TBCCD1: variants seen among roughly 807,000 people sequenced by gnomAD.
The protein encoded by TBCCD1 is TBCC domain-containing protein 1.
Under a neutral mutation model 53.4 loss-of-function variants are expected in TBCCD1, and 26 were observed. The observed-to-expected ratio is 0.49, with a 90% CI of 0.36 to 0.68. TBCCD1 has a LOEUF of 0.68. Among genes scored for constraint, TBCCD1 ranks in the 30% least tolerant of loss-of-function variants. The pLI, the probability that TBCCD1 is intolerant of heterozygous loss-of-function variation, is 0.00. For missense variants in TBCCD1, 558 were observed against 669.5 expected, an observed-to-expected ratio of 0.83 and a Z score of 1.84; for synonymous variants, 245 against 241.7, an observed-to-expected ratio of 1.01 and a Z score of -0.13.
At chr3:186,553,817 T>C (rs866209954) in intron 6 of TBCCD1, among the ~76,000 whole-genome samples, 1 of 152,210 alleles carries the variant, frequency 6.6e-6, no homozygotes, top group Non-Finnish European at 1.5e-5. Flanking sequence ...GAAATACTAA[T>C]TTGAAATCCA....
rs1367227546 is a variant in TBCCD1, at chr3:186,564,242, G to A, written c.88C>T (p.Leu30Phe). The change falls in exon 2 of 8, where the codon CTT becomes TTT. Residue 30 changes from leucine (L) to phenylalanine (F), a missense_variant. Leu to Phe is a conservative substitution (Grantham distance 22). Coordinates refer to ENST00000338733, the MANE Select transcript of TBCCD1 (RefSeq NM_018138.5). ...GTGGATATCTTCCTGAGATAGTGAA[G>A]ACTAAACTTGGATGGAGGGGGGACC... ...LQVPPPSKFS[L>F]HYLRKISTYV... 1 of 1,614,194 alleles carries A rather than the reference G, an allele frequency of 6.2e-7. No homozygotes were observed. Among genetic ancestry groups the A allele is most frequent in the Non-Finnish European group, 8.5e-7 (1 of 1,180,018 alleles).
chr3:186,560,657 T>C (rs1714666715), intron 2 of TBCCD1, among the ~76,000 whole-genome samples: 2 of 152,226 alleles, frequency 1.3e-5, no homozygotes, highest in Admixed American at 1.3e-4. Context: ...CTAAGAGGCT[T>C]ATACAGCCCT....
Position 186,567,287 on chromosome 3 carries a change from C to T in TBCCD1, c.-64G>A, listed in dbSNP as rs1219076240. 6.5e-6 allele frequency: 1 copy of T among 153,086 alleles called. No individual in the cohort carries two copies. Among genetic ancestry groups the T allele is most frequent in the Non-Finnish European group, 1.5e-5 (1 of 68,822 alleles). The allele number at this position is 153,086 out of a possible 1,614,324, so 9.5% of individuals were successfully genotyped here. On this transcript the variant is annotated 5_prime_UTR_variant, in exon 1 of 8. Coordinates refer to ENST00000338733, the MANE Select transcript of TBCCD1 (RefSeq NM_018138.5). Reference sequence around the variant, plus strand: ...GTTACCTGCTAATGCAGGCGCCGCTCCGCCGCACTTCTCCGCGCGCCGCCG... The same window carrying T: ...GTTACCTGCTAATGCAGGCGCCGCTTCGCCGCACTTCTCCGCGCGCCGCCG...
Position 186,565,109 on chromosome 3 carries a change from CTTT to C in TBCCD1, c.-43-740_-43-738del, listed in dbSNP as rs370017010. 6.9e-3 allele frequency among the ~76,000 whole-genome samples: 862 copies of C among 124,724 alleles called. 7 individuals are homozygous for C. Among genetic ancestry groups the C allele is most frequent in the African/African-American group, 0.026 (826 of 32,114 alleles). 81.8% of individuals were successfully genotyped at this position (124,724 alleles called of 152,430 possible). ...TTTATTGTATTTCCTTCTTCTTCTTCTTTTTTTTTTTTTTTTTTTGAGATGGAG... is the reference window on the plus strand; with the variant it reads ...TTTATTGTATTTCCTTCTTCTTCTTCTTTTTTTTTTTTTTTTGAGATGGAG... On this transcript the variant is annotated intron_variant, in intron 1 of 7. Coordinates refer to ENST00000338733, the MANE Select transcript of TBCCD1 (RefSeq NM_018138.5).
chr3:186,567,765 C>T (rs1185663349), upstream of TBCCD1, among the ~76,000 whole-genome samples: 1 of 152,190 alleles, frequency 6.6e-6, no homozygotes, highest in African/African-American at 2.4e-5. Context: ...GAAACTAGGG[C>T]CTAGAAAGGT....
chr3:186,547,872 G>A (rs1321068827), intron 7 of TBCCD1, among the ~76,000 whole-genome samples: 2 of 152,056 alleles, frequency 1.3e-5, no homozygotes, highest in Non-Finnish European at 1.5e-5. Context: ...CTCCCGAAGT[G>A]CTGGGATTAC....
At chr3:186,548,971 C>A (rs1231277705) in intron 7 of TBCCD1, among the ~76,000 whole-genome samples, 1 of 152,120 alleles carries the variant, frequency 6.6e-6, no homozygotes, top group Non-Finnish European at 1.5e-5. Flanking sequence ...TAAATATATA[C>A]AATTCATCTG....
chr3:186,549,267 G>A (rs1192434040), intron 7 of TBCCD1, among the ~76,000 whole-genome samples: 4 of 152,120 alleles, frequency 2.6e-5, no homozygotes, highest in Admixed American at 6.5e-5. Context: ...CAGTTTGGGG[G>A]ACAGAGTGAG....
intron 2 of TBCCD1, among the ~76,000 whole-genome samples, 195 bp from the exon 3 acceptor site, chr3:186,558,767 T>C (rs1479716865): frequency 1.3e-5 from 2 of 151,910 alleles, no homozygotes; most frequent in Admixed American, 1.3e-4. Flanking sequence ...TGAGACAGAG[T>C]TTCACTCTTG....
chr3:186,548,802 T>C (rs754010334), intron 7 of TBCCD1, among the ~76,000 whole-genome samples: 8 of 152,122 alleles, frequency 5.3e-5, no homozygotes, highest in Non-Finnish European at 5.9e-5. Flanking sequence ...ATGGTGACTG[T>C]TGTTAATAAC....
chr3:186,555,756 T>C (rs1714522362), intron 4 of TBCCD1, among the ~76,000 whole-genome samples: 1 of 152,024 alleles, frequency 6.6e-6, no homozygotes, highest in Admixed American at 6.6e-5. Context: ...CTGAGGTTTC[T>C]CCATGTTGGC....
chr3:186,554,406 A>G lies in TBCCD1; in HGVS notation c.1392T>C (p.Cys464=). Residue 464 remains cysteine, a synonymous_variant, in exon 6 of 8, where the codon TGT becomes TGC. Coordinates refer to ENST00000338733, the MANE Select transcript of TBCCD1 (RefSeq NM_018138.5). ...AGGGAATAATAAATACATAGAATTC[A>G]CAAGGTGGTAAAAGCTGGAAGACTC... is the stretch of plus-strand genomic sequence containing the variant. The part of the protein sequence containing the change: ...DTRVFQLLPP[C]EFYVFIIPFE... 21 of 1,614,234 alleles carry G rather than the reference A, an allele frequency of 1.3e-5. No homozygotes were observed. The highest frequency in any genetic ancestry group is 1.8e-5 in the Non-Finnish European group (21 of 1,180,044).
At chr3:186,559,774 A>C (rs7619295) in intron 2 of TBCCD1, among the ~76,000 whole-genome samples, 1 of 152,028 alleles carries the variant, frequency 6.6e-6, no homozygotes, top group African/African-American at 2.4e-5. Flanking sequence ...GAGAATTCAC[A>C]CAGAAAGATC....
chr3:186,565,109 CTTTTT>C (rs370017010), intron 1 of TBCCD1, among the ~76,000 whole-genome samples: 9 of 124,754 alleles, frequency 7.2e-5, no homozygotes, highest in African/African-American at 2.2e-4. Flanking sequence ...TCTTCTTCTT[CTTTTT>C]TTTTTTTTTT....
At position 186,559,131 on chromosome 3, in the gene TBCCD1, A is replaced by C. The variant is rs116803240; in HGVS notation, c.337-559T>G. On this transcript the variant is annotated intron_variant, in intron 2 of 7. Transcript: ENST00000338733. ...TATGGCTATAGAAATTATCTCTCAA[A>C]ACTGATGAAAGGATGTAGTACATAC... Among the ~76,000 whole-genome samples the C allele has an allele frequency of 5.8e-3, 877 of 152,332 alleles. 9 individuals are homozygous for C. Among genetic ancestry groups the C allele is most frequent in the African/African-American group, 0.02 (812 of 41,568 alleles).
At chr3:186,565,779 A>G (rs1473478068) in intron 1 of TBCCD1, among the ~76,000 whole-genome samples, 1 of 152,178 alleles carries the variant, frequency 6.6e-6, no homozygotes, top group African/African-American at 2.4e-5. Context: ...TCTGTGTGAA[A>G]ATTTTCAGAT....
intron 3 of TBCCD1, among the ~76,000 whole-genome samples, chr3:186,557,357 G>C (rs531864814): frequency 6.6e-6 from 1 of 152,308 alleles, no homozygotes; most frequent in African/African-American, 2.4e-5. Context: ...AAATGATAGA[G>C]GCAGAAATGA....
chr3:186,557,870 T>C (rs1714585819), intron 3 of TBCCD1, among the ~76,000 whole-genome samples: 1 of 152,226 alleles, frequency 6.6e-6, no homozygotes, highest in East Asian at 1.9e-4. Flanking sequence ...GCCTACATTT[T>C]ACTTAAAGTT....
At chr3:186,556,312 T>C in intron 4 of TBCCD1, 97 bp downstream of exon 4, 3 of 1,397,008 alleles carry the variant, frequency 2.1e-6, no homozygotes, top group Non-Finnish European at 2.9e-6. Context: ...ATTTTTTAGG[T>C]CTTCTAGAGA....
Sources: allele counts gnomAD v4.1 joint callset (sites outside exome capture counted in the v4.1 genomes callset), GRCh38; gene constraint gnomAD v4.1.1; transcripts MANE v1.5; gene names NCBI Gene and HGNC (gene_info 2026-07-23, HGNC 2026-07-21).